AGER: variants seen among roughly 807,000 people sequenced by gnomAD.
AGER encodes the protein advanced glycosylation end-product specific receptor.
A neutral mutation model predicts 48.8 loss-of-function variants in AGER; 46 were observed. That is an observed-to-expected ratio of 0.94 (90% CI 0.74 to 1.20). The LOEUF is 1.20. Among genes scored for constraint, AGER ranks in the 50% most tolerant of loss-of-function variants. The pLI is 0.00. For missense variants in AGER, 489 were observed against 515.0 expected (o/e 0.95, Z 0.49); for synonymous variants, 170 against 199.9 (o/e 0.85, Z 1.26).
In AGER at chr6:32,181,723, CTTT is replaced by C; in HGVS notation, c.965-94_965-92del. The C allele has an allele frequency of 9.6e-7, 1 of 1,037,538 alleles. No individual in the cohort carries two copies. The highest frequency in any genetic ancestry group is 1.3e-6 in the Non-Finnish European group (1 of 747,814). 64.3% of individuals were successfully genotyped at this position (1,037,538 alleles called of 1,614,324 possible). A position where few individuals can be genotyped will look rare whatever the true frequency, so the allele number is the denominator to read the frequency against. On this transcript the variant is annotated intron_variant, in intron 8 of 10. Transcript: ENST00000375076. This position sits in a 1 kb window ranked among gnomAD's most constrained non-coding sequence, Gnocchi z 4.1. ...GAGCCCCAGTGGAGTCTTTCCCTTT[CTTT>C]TTTTTTTTGAGATGGAGTTTCACTT...
In AGER at chr6:32,181,939, G is replaced by T. The variant is rs1392263284; in HGVS notation, c.965-307C>A. 11 of 602,048 alleles carry T rather than the reference G, an allele frequency of 1.8e-5. No individual in the cohort carries two copies. The highest frequency in any genetic ancestry group is 1.3e-4 in the African/African-American group (7 of 54,002). The allele number at this position is 602,048 out of a possible 1,614,324, so 37.3% of individuals were successfully genotyped here. A position where few individuals can be genotyped will look rare whatever the true frequency, so the allele number is the denominator to read the frequency against. On this transcript the variant is annotated intron_variant, in intron 8 of 10. Coordinates refer to ENST00000375076, the MANE Select transcript of AGER (RefSeq NM_001136.5). This position sits in a 1 kb window ranked among gnomAD's most constrained non-coding sequence, Gnocchi z 4.1. ...GTAGAAATGGGGTTTCTCCATGTTG[G>T]TCAGGCTGGTCTCGAACTCCCTACC...
Position 32,183,581 on chromosome 6 carries a change from T to C in AGER, c.329A>G (p.Lys110Arg), listed in dbSNP as rs147376814. 15 of 1,612,966 alleles carry C rather than the reference T, an allele frequency of 9.3e-6. No homozygotes were observed. Among genetic ancestry groups the C allele is most frequent in the African/African-American group, 1.3e-5 (1 of 74,920 alleles). The part of the protein sequence containing the change: ...QAMNRNGKET[K>R]SNYRVRVYQI... Reference sequence around the variant, plus strand: ...GTAGACACGGACTCGGTAGTTGGACTTGGTCTCCTTTCCATTCCTGTTCAT... The same window carrying C: ...GTAGACACGGACTCGGTAGTTGGACCTGGTCTCCTTTCCATTCCTGTTCAT... Residue 110 changes from lysine to arginine, a missense_variant, in exon 3 of 11, where the codon AAG becomes AGG. Lys to Arg is a conservative substitution (Grantham distance 26). Transcript: ENST00000375076.
chr6:32,183,008 TC>T lies in AGER; in HGVS notation c.523del (p.Glu175AsnfsTer18). The T allele has an allele frequency of 6.2e-7, 1 of 1,613,062 alleles. No individual in the cohort carries two copies. Among genetic ancestry groups the T allele is most frequent in the Non-Finnish European group, 8.5e-7 (1 of 1,180,020 alleles). On this transcript the variant is annotated frameshift_variant, in exon 6 of 11. Transcript: ENST00000375076. LOFTEE classifies it high-confidence loss of function. ...TGTCTCAGGGTGTCTCCTGGTCTGT[TC>T]CTTCACAGATACTCCTATGATGGGA... ...VPNEKGVSVK[E>X]QTRRHPETGL...
intron 3 of AGER, 28 bp downstream of exon 3, chr6:32,183,525 AGG>A: frequency 6.2e-7 from 1 of 1,612,902 alleles, no homozygotes; most frequent in Non-Finnish European, 8.5e-7. Flanking sequence ...GGTAAGAGGG[AGG>A]CCTTGGAGAA....
intron 2 of AGER, 41 bp downstream of exon 2, chr6:32,183,840 C>T (rs1245845764): frequency 5.6e-6 from 9 of 1,612,366 alleles, no homozygotes; most frequent in Non-Finnish European, 7.6e-6. Flanking sequence ...CATTGCTGGT[C>T]TCCCTGGAAG....
rs1008075972 is a variant in AGER at position 32,182,546 on chromosome 6, C to A, written c.822+22G>T. On this transcript the variant is annotated intron_variant, in intron 7 of 10. Transcript: ENST00000375076. The surrounding 1 kb of genome is among the most constrained non-coding windows in gnomAD (Gnocchi z 5.1). ...AGTTATGGTTCACCCTACCTCCCAG[C>A]CCCTCTCTCCAGGTCACTCACATCC... is the stretch of plus-strand genomic sequence containing the variant. 3 of 1,611,030 alleles carry A rather than the reference C, an allele frequency of 1.9e-6. No homozygotes were observed. The highest frequency in any genetic ancestry group is 1.3e-5 in the African/African-American group (1 of 75,004).
At position 32,183,566 on chromosome 6, in the gene AGER, A is replaced by G. The variant is rs767739122; in HGVS notation, c.344T>C (p.Val115Ala). ...CCTGGAATTCTTACGGTAGACACGG[A>G]CTCGGTAGTTGGACTTGGTCTCCTT... ...NGKETKSNYR[V>A]RVYQIPGKPE... Residue 115 changes from valine to alanine, a missense_variant, in exon 3 of 11, where the codon GTC becomes GCC. Val to Ala is a moderately conservative substitution (Grantham distance 64, BLOSUM62 0). Coordinates refer to ENST00000375076, the MANE Select transcript of AGER (RefSeq NM_001136.5). 6.2e-7 allele frequency: 1 copy of G among 1,612,974 alleles called. No individual in the cohort carries two copies. Among genetic ancestry groups the G allele is most frequent in the Admixed American group, 1.7e-5 (1 of 60,020 alleles).
Position 32,182,555 on chromosome 6 carries a change from C to T in AGER, c.822+13G>A. ...TCACCCTACCTCCCAGCCCCTCTCT[C>T]CAGGTCACTCACATCCTTCATCCAG... On this transcript the variant is annotated intron_variant, in intron 7 of 10. Coordinates refer to ENST00000375076, the MANE Select transcript of AGER (RefSeq NM_001136.5). The surrounding 1 kb of genome is among the most constrained non-coding windows in gnomAD (Gnocchi z 5.1). The T allele has an allele frequency of 6.2e-7, 1 of 1,613,058 alleles. No individual in the cohort carries two copies. Among genetic ancestry groups the T allele is most frequent in the Non-Finnish European group, 8.5e-7 (1 of 1,179,994 alleles).
Position 32,183,728 on chromosome 6 carries a change from C to T in AGER, c.182G>A (p.Trp61Ter), listed in dbSNP as rs1450389456. The T allele has an allele frequency of 1.9e-6, 3 of 1,613,066 alleles. No homozygotes were observed. Among genetic ancestry groups the T allele is most frequent in the Non-Finnish European group, 1.7e-6 (2 of 1,180,002 alleles). ...WKLNTGRTEA[W>*]KVLSPQGGGP... ...TCCTCCCTGGGGAGACAGGACCTTC[C>T]AAGCTTCTGTCCGGCCTGTGTTCTA... is the stretch of plus-strand genomic sequence containing the variant. The change falls in exon 3 of 11, where the codon TGG (tryptophan) becomes TAG (stop). Residue 61 changes from tryptophan (W) to a stop codon, truncating the protein, a stop_gained. Transcript: ENST00000375076. LOFTEE classifies it high-confidence loss of function.
At position 32,182,008 on chromosome 6, in the gene AGER, C is replaced by T. The variant is rs938372881; in HGVS notation, c.964+239G>A. The T allele has an allele frequency of 1.1e-5, 8 of 702,288 alleles. No homozygotes were observed. Among genetic ancestry groups the T allele is most frequent in the Non-Finnish European group, 2.0e-5 (8 of 398,854 alleles). 43.5% of individuals were successfully genotyped at this position (702,288 alleles called of 1,614,324 possible). On this transcript the variant is annotated intron_variant, in intron 8 of 10. Coordinates refer to ENST00000375076, the MANE Select transcript of AGER (RefSeq NM_001136.5). The surrounding 1 kb of genome is among the most constrained non-coding windows in gnomAD (Gnocchi z 5.1). ...TCAGCCTCCCAAAGTGTTGGGATTA[C>T]AGGCGTGAGCCACCGCGCCCAGCCG... is the stretch of plus-strand genomic sequence containing the variant.
intron 2 of AGER, 35 bp from the exon 3 acceptor site, chr6:32,183,785 G>A (rs1417605037): frequency 1.9e-6 from 3 of 1,611,900 alleles, no homozygotes; most frequent in Admixed American, 1.7e-5. Flanking sequence ...AACAGTGCAA[G>A]GCCTTTGGGA....
rs766686183 is a variant in AGER, at chr6:32,183,747, TG to T, written c.162del (p.Asn54LysfsTer49). The T allele has an allele frequency of 1.6e-5, 25 of 1,612,714 alleles. No individual in the cohort carries two copies. In the African/African-American group the frequency reaches 2.5e-4, roughly 16 times the overall value. On this transcript the variant is annotated frameshift_variant and splice_region_variant, in exon 3 of 11. Transcript: ENST00000375076. LOFTEE classifies it high-confidence loss of function. ...KPPQRLEWKL[N>X]TGRTEAWKVL... is the part of the protein sequence containing the mutation. ...ACCTTCCAAGCTTCTGTCCGGCCTG[TG>T]TTCTAGAAGCAGAGAAGCAGGGCCT...
At position 32,183,612 on chromosome 6, in the gene AGER, G is replaced by C; in HGVS notation, c.298C>G (p.Gln100Glu). The part of the protein sequence containing the change: ...GIQDEGIFRC[Q>E]AMNRNGKETK... ...TCCTTTCCATTCCTGTTCATTGCCT[G>C]GCACCGGAAAATCCCCTCATCCTGG... Residue 100 changes from glutamine (Q) to glutamate (E), a missense_variant, in exon 3 of 11, where the codon CAG becomes GAG. Physicochemically the swap from Gln to Glu is conservative, Grantham distance 29. Coordinates refer to ENST00000375076, the MANE Select transcript of AGER (RefSeq NM_001136.5). The C allele has an allele frequency of 6.2e-7, 1 of 1,613,068 alleles. No homozygotes were observed. The highest frequency in any genetic ancestry group is 8.5e-7 in the Non-Finnish European group (1 of 1,180,036).
rs922376188 is a variant in AGER at position 32,183,397 on chromosome 6, G to C, written c.356-9C>G. 4 of 1,612,514 alleles carry C rather than the reference G, an allele frequency of 2.5e-6. No individual in the cohort carries two copies. Among genetic ancestry groups the C allele is most frequent in the Middle Eastern group, 1.7e-4 (1 of 6,060 alleles). On this transcript the variant is annotated splice_polypyrimidine_tract_variant and intron_variant, in intron 3 of 10. Transcript: ENST00000375076. ...TGGCTTCCCAGGAATCTCTGAAGGA[G>C]GAAAAATCCAGTCAGAGGCTGTAAT...
rs372397484 is a variant in AGER at position 32,183,201 on chromosome 6, C to T, written c.421G>A (p.Val141Met). Residue 141 changes from valine to methionine, a missense_variant and splice_region_variant, in exon 5 of 11, where the codon GTG becomes ATG. Physicochemically the swap from Val to Met is conservative, Grantham distance 21 (BLOSUM62 1). Transcript: ENST00000375076. ...SELTAGVPNK[V>M]GTCVSEGSYP... ...CTTCCCTCTGACACACATGTCCCCA[C>T]CTGGGGAAAGAGTGGTGACCTCAGA... 6.2e-6 allele frequency: 10 copies of T among 1,612,956 alleles called. No individual in the cohort carries two copies. The African/African-American group carries it at 1.3e-4, about 21-fold the overall frequency.
Position 32,181,263 on chromosome 6 carries a change from T to G in AGER, c.1119-24A>C. The G allele has an allele frequency of 6.2e-7, 1 of 1,614,008 alleles. No individual in the cohort carries two copies. Among genetic ancestry groups the G allele is most frequent in the Non-Finnish European group, 8.5e-7 (1 of 1,180,020 alleles). ...TCCTGAGGAGAAAGATTGGGGGGAATGCGGCACGTTGTCGTTCCACCCCCC... is the reference window on the plus strand; with the variant it reads ...TCCTGAGGAGAAAGATTGGGGGGAAGGCGGCACGTTGTCGTTCCACCCCCC... On this transcript the variant is annotated intron_variant, in intron 10 of 10. Coordinates refer to ENST00000375076, the MANE Select transcript of AGER (RefSeq NM_001136.5). This position sits in a 1 kb window ranked among gnomAD's most constrained non-coding sequence, Gnocchi z 4.1.
chr6:32,183,863 A>C lies in AGER; in HGVS notation c.159+18T>G. Reference sequence around the variant, plus strand: ...GTCTCCCTGGAAGTTGGGAGGCTGCAACAGGAGCCCCGCTTACCAGTTTCC... The same window carrying C: ...GTCTCCCTGGAAGTTGGGAGGCTGCCACAGGAGCCCCGCTTACCAGTTTCC... On this transcript the variant is annotated intron_variant, in intron 2 of 10. Transcript: ENST00000375076. 1.2e-6 allele frequency: 2 copies of C among 1,613,030 alleles called. No individual in the cohort carries two copies. Among genetic ancestry groups the C allele is most frequent in the South Asian group, 1.1e-5 (1 of 91,082 alleles).
rs35802968 is a variant in AGER at position 32,183,887 on chromosome 6, C to T, written c.153G>A (p.Trp51Ter). The change falls in exon 2 of 11, where the codon TGG becomes TGA. Residue 51 changes from tryptophan (W) to a stop codon, truncating the protein, a stop_gained. Coordinates refer to ENST00000375076, the MANE Select transcript of AGER (RefSeq NM_001136.5). LOFTEE classifies it high-confidence loss of function. ...CAACAGGAGCCCCGCTTACCAGTTT[C>T]CATTCCAGCCGCTGGGGTGGTTTCT... is the stretch of plus-strand genomic sequence containing the variant. ...APKKPPQRLE[W>*]KLNTGRTEAW... The T allele has an allele frequency of 1.8e-4, 293 of 1,613,070 alleles. 1 individual carries two copies. The African/African-American group carries it at 3.6e-3, about 20-fold the overall frequency.
chr6:32,183,230 CT>C, intron 4 of AGER, 29 bp from the exon 5 acceptor site: 1 of 1,612,650 alleles, frequency 6.2e-7, no homozygotes, highest in South Asian at 1.1e-5. Flanking sequence ...CCTCAGAATC[CT>C]TTGAAAATGA....
Sources: allele counts gnomAD v4.1 joint callset, GRCh38; gene constraint gnomAD v4.1.1; non-coding constraint Gnocchi (gnomAD v3.1); transcripts MANE v1.5; gene names NCBI Gene and HGNC (gene_info 2026-07-23, HGNC 2026-07-21).